FYB1: variants seen among roughly 807,000 people sequenced by gnomAD.
FYB1 encodes the protein FYN-binding protein 1.
FYB1 carries 41 observed loss-of-function variants against 94.1 expected under a neutral mutation model. The ratio of observed to expected loss-of-function variants is 0.44; its 90% CI spans 0.34 to 0.57. The LOEUF (loss-of-function observed/expected upper bound fraction) is 0.57. FYB1 is among the 20% of genes least tolerant of loss of function. FYB1 has a pLI of 0.02. For synonymous variants in FYB1, 367 were observed against 353.2 expected (o/e 1.04, Z -0.44); for missense variants, 1,050 against 976.8 (o/e 1.07, Z -1.00).
At chr5:39,130,791 G>C (rs945035651) in intron 9 of FYB1, among the ~76,000 whole-genome samples, 179 bp from the exon 10 acceptor site, 3 of 151,928 alleles carry the variant, frequency 2.0e-5, no homozygotes, top group Non-Finnish European at 1.5e-5. Context: ...TAATGACAAG[G>C]CAACAAAACA....
intron 2 of FYB1, among the ~76,000 whole-genome samples, chr5:39,165,733 A>G (rs1196076862): frequency 2.0e-5 from 3 of 152,224 alleles, no homozygotes; most frequent in African/African-American, 7.2e-5. Context: ...TTTGCAAGCT[A>G]TGCATCCAAC....
intron 2 of FYB1, among the ~76,000 whole-genome samples, chr5:39,183,452 AAAGG>A (rs1447955310): frequency 2.0e-5 from 3 of 152,156 alleles, no homozygotes; most frequent in Non-Finnish European, 2.9e-5. Flanking sequence ...TGTCGAGCAT[AAAGG>A]GAGAATGAAT....
At chr5:39,233,871 G>T (rs1750849509) in intron 1 of FYB1, among the ~76,000 whole-genome samples, 1 of 152,236 alleles carries the variant, frequency 6.6e-6, no homozygotes. Flanking sequence ...TCAGGAGAAA[G>T]TGATAATGAA....
chr5:39,180,779 C>T (rs1047731333), intron 2 of FYB1, among the ~76,000 whole-genome samples: 3 of 152,152 alleles, frequency 2.0e-5, no homozygotes, highest in East Asian at 1.9e-4. Context: ...TTCTACTTCT[C>T]CAGCTTCTAC....
intron 1 of FYB1, among the ~76,000 whole-genome samples, chr5:39,272,594 C>T (rs1293991968): frequency 6.7e-6 from 1 of 148,500 alleles, no homozygotes; most frequent in Non-Finnish European, 1.5e-5. Flanking sequence ...ATGGCATGAA[C>T]CCGGGAGGCG....
intron 11 of FYB1, 53 bp downstream of exon 11, chr5:39,127,688 A>T: frequency 6.7e-7 from 1 of 1,498,390 alleles, no homozygotes; most frequent in African/African-American, 1.4e-5. Context: ...TCAAAACTAA[A>T]TTTCAATGTA....
chr5:39,247,389 T>C (rs73091228), intron 1 of FYB1, among the ~76,000 whole-genome samples: 1,971 of 152,102 alleles, frequency 0.013, 38 homozygotes, highest in African/African-American at 0.042. Flanking sequence ...ATTTGACACA[T>C]GATAAAATCT....
Position 39,106,500 on chromosome 5 carries a change from C to T in FYB1, c.*943G>A, listed in dbSNP as rs1450602149. Reference sequence around the variant, plus strand: ...CTAGAATTTTAATAATTTCTACTCCCTCTGCTGGCCAACTTTCCAGTAAAA... The same window carrying T: ...CTAGAATTTTAATAATTTCTACTCCTTCTGCTGGCCAACTTTCCAGTAAAA... On this transcript the variant is annotated 3_prime_UTR_variant, in exon 19 of 19. Transcript: ENST00000512982. The T allele has an allele frequency of 6.6e-6, 1 of 151,868 alleles. No individual in the cohort carries two copies. The allele number at this position is 151,868 out of a possible 1,614,324, so 9.4% of individuals were successfully genotyped here. A position where few individuals can be genotyped will look rare whatever the true frequency, so the allele number is the denominator to read the frequency against.
intron 1 of FYB1, among the ~76,000 whole-genome samples, chr5:39,216,711 G>A (rs981380840): frequency 6.6e-5 from 10 of 152,174 alleles, no homozygotes; most frequent in Admixed American, 2.6e-4. Context: ...ACCACCATTT[G>A]TTGCCATATT....
At chr5:39,210,415 T>C (rs146148738) in intron 1 of FYB1, among the ~76,000 whole-genome samples, 11 of 152,320 alleles carry the variant, frequency 7.2e-5, no homozygotes, top group Non-Finnish European at 1.5e-4. Flanking sequence ...TCTACTGTGT[T>C]CTCTCTTCCA....
intron 5 of FYB1, 117 bp downstream of exon 5, chr5:39,139,116 T>G: frequency 9.3e-7 from 1 of 1,076,646 alleles, no homozygotes; most frequent in Non-Finnish European, 1.3e-6. Context: ...AATGGAAAAA[T>G]ATCATTGCTC....
At chr5:39,112,333 T>C (rs888292612) in intron 16 of FYB1, among the ~76,000 whole-genome samples, 1 of 152,034 alleles carries the variant, frequency 6.6e-6, no homozygotes, top group Non-Finnish European at 1.5e-5. Flanking sequence ...AATGTTCCCA[T>C]AATATACTCA....
chr5:39,198,640 C>T (rs961153209), intron 2 of FYB1, among the ~76,000 whole-genome samples: 2 of 152,050 alleles, frequency 1.3e-5, no homozygotes, highest in Admixed American at 6.5e-5. Flanking sequence ...ATAGTCAACA[C>T]TTTATTATAA....
At chr5:39,126,547 AT>A (rs1433589089) in intron 11 of FYB1, among the ~76,000 whole-genome samples, 3 of 151,728 alleles carry the variant, frequency 2.0e-5, no homozygotes, top group African/African-American at 7.3e-5. Context: ...AATAAAAAAC[AT>A]TAGCTGGGTG....
chr5:39,167,922 A>G (rs1744884970), intron 2 of FYB1, among the ~76,000 whole-genome samples: 1 of 149,216 alleles, frequency 6.7e-6, no homozygotes, highest in African/African-American at 2.4e-5. Flanking sequence ...ACTCTGTAAA[A>G]AGGCAAAAAT....
At chr5:39,199,910 A>G (rs569803803) in intron 2 of FYB1, among the ~76,000 whole-genome samples, 11 of 152,374 alleles carry the variant, frequency 7.2e-5, no homozygotes, top group African/African-American at 2.4e-4. Flanking sequence ...GGTATTATTC[A>G]GAGTTTAAAG....
intron 1 of FYB1, among the ~76,000 whole-genome samples, chr5:39,271,452 C>T (rs982254926): frequency 2.0e-5 from 3 of 152,110 alleles, no homozygotes; most frequent in Non-Finnish European, 4.4e-5. Flanking sequence ...AGAAGGTCAT[C>T]TTTGTTTTCC....
At chr5:39,115,820 A>G (rs10044093) in intron 16 of FYB1, among the ~76,000 whole-genome samples, 83 of 152,296 alleles carry the variant, frequency 5.4e-4, no homozygotes, top group African/African-American at 2.0e-3. Flanking sequence ...ATAATACTTA[A>G]CCCGAAAGTC....
At chr5:39,238,869 G>A (rs1751086301) in intron 1 of FYB1, among the ~76,000 whole-genome samples, 1 of 152,090 alleles carries the variant, frequency 6.6e-6, no homozygotes, top group South Asian at 2.1e-4. Context: ...ATGGTCACAC[G>A]TGAAAACCTC....
Sources: allele counts gnomAD v4.1 joint callset (sites outside exome capture counted in the v4.1 genomes callset), GRCh38; gene constraint gnomAD v4.1.1; transcripts MANE v1.5; gene names NCBI Gene and HGNC (gene_info 2026-07-23, HGNC 2026-07-21).